AATF: variants seen among roughly 807,000 people sequenced by gnomAD.
The protein encoded by AATF is protein AATF.
In AATF, 48 loss-of-function variants were observed where a neutral mutation model predicts 63.7. That is an observed-to-expected ratio of 0.75 (90% CI 0.60 to 0.96). The LOEUF (loss-of-function observed/expected upper bound fraction) is 0.96. AATF is among the 40% of genes least tolerant of loss of function. The pLI is 0.00. For synonymous variants in AATF, 258 were observed against 247.7 expected, an observed-to-expected ratio of 1.04 and a Z score of -0.39; for missense variants, 639 against 685.7, an observed-to-expected ratio of 0.93 and a Z score of 0.76.
chr17:36,962,493 G>T (rs1352566059), intron 4 of AATF, among the ~76,000 whole-genome samples: 2 of 152,106 alleles, frequency 1.3e-5, no homozygotes, highest in African/African-American at 4.8e-5. Flanking sequence ...TACCAATCTA[G>T]CTAGAAAATG....
At chr17:36,977,383 C>G (rs2071087035) in intron 4 of AATF, among the ~76,000 whole-genome samples, 1 of 152,042 alleles carries the variant, frequency 6.6e-6, no homozygotes, top group Non-Finnish European at 1.5e-5. Flanking sequence ...AAGGTATTTT[C>G]TGAATCTCCA....
At chr17:37,050,565 A>G (rs2071739457) in intron 11 of AATF, among the ~76,000 whole-genome samples, 1 of 152,230 alleles carries the variant, frequency 6.6e-6, no homozygotes, top group Non-Finnish European at 1.5e-5. Context: ...TGGTCTGTGC[A>G]GAGCAGGCGT....
intron 7 of AATF, among the ~76,000 whole-genome samples, chr17:36,989,713 A>C (rs929060685): frequency 1.7e-4 from 26 of 152,208 alleles, no homozygotes; most frequent in African/African-American, 6.0e-4. Context: ...ACTTCTGTAG[A>C]AATGTCAGTA....
chr17:36,989,176 A>C, intron 6 of AATF, 71 bp from the exon 7 acceptor site: 42 of 1,486,452 alleles, frequency 2.8e-5, no homozygotes, highest in Non-Finnish European at 2.9e-5. Flanking sequence ...ACAGAAAGAT[A>C]GAGAAACCAA....
chr17:37,021,687 C>A (rs1261580160), intron 10 of AATF, among the ~76,000 whole-genome samples: 1 of 82,444 alleles, frequency 1.2e-5, no homozygotes, highest in Admixed American at 9.8e-5. Context: ...CGCCTGTAGT[C>A]CCAGCTACTC....
chr17:37,028,555 A>G (rs1567989479), intron 10 of AATF, among the ~76,000 whole-genome samples: 1 of 152,098 alleles, frequency 6.6e-6, no homozygotes, highest in Non-Finnish European at 1.5e-5. Context: ...GGAGGCCAAC[A>G]CAGGTGGATC....
At chr17:36,986,500 G>A (rs761090058) in intron 4 of AATF, 117 bp from the exon 5 acceptor site, 2 of 748,514 alleles carry the variant, frequency 2.7e-6, no homozygotes, top group Non-Finnish European at 4.7e-6. Context: ...TGTGTATCCT[G>A]TGCCTCCCCT....
chr17:37,013,725 C>T (rs1485668867), intron 8 of AATF, among the ~76,000 whole-genome samples: 1 of 152,114 alleles, frequency 6.6e-6, no homozygotes, highest in Non-Finnish European at 1.5e-5. Flanking sequence ...TTGGAGGGGA[C>T]AAACATCCCA....
At chr17:37,012,472 A>G (rs994292905) in intron 8 of AATF, among the ~76,000 whole-genome samples, 1 of 152,252 alleles carries the variant, frequency 6.6e-6, no homozygotes, top group African/African-American at 2.4e-5. Flanking sequence ...GAGGGAATTC[A>G]CAGGAAGAGT....
chr17:37,020,835 G>T, intron 9 of AATF, 99 bp from the exon 10 acceptor site: 1 of 953,664 alleles, frequency 1.0e-6, no homozygotes, highest in South Asian at 1.8e-5. Context: ...GTAGGTTGAT[G>T]ATTTCTTTCT....
intron 11 of AATF, among the ~76,000 whole-genome samples, chr17:37,044,502 C>T (rs2071672364): frequency 6.6e-6 from 1 of 152,130 alleles, no homozygotes; most frequent in Non-Finnish European, 1.5e-5. Flanking sequence ...CCATCACTTC[C>T]AAGACCCTAA....
chr17:37,050,796 G>A (rs918349635), intron 11 of AATF, among the ~76,000 whole-genome samples: 17 of 152,184 alleles, frequency 1.1e-4, no homozygotes, highest in African/African-American at 4.1e-4. Context: ...GTGCAGTGTG[G>A]GAGAGGTAGA....
intron 4 of AATF, among the ~76,000 whole-genome samples, chr17:36,967,055 T>C (rs1227128581): frequency 6.6e-6 from 1 of 152,214 alleles, no homozygotes; most frequent in East Asian, 1.9e-4. Context: ...TATTTTGTTA[T>C]ATCTTTTTTT....
At chr17:37,012,921 A>C (rs1170556785) in intron 8 of AATF, among the ~76,000 whole-genome samples, 1 of 152,240 alleles carries the variant, frequency 6.6e-6, no homozygotes, top group Non-Finnish European at 1.5e-5. Flanking sequence ...ATAGGAGTAG[A>C]GCTTCATGAC....
At chr17:36,979,031 A>G (rs1376564196) in intron 4 of AATF, among the ~76,000 whole-genome samples, 1 of 152,012 alleles carries the variant, frequency 6.6e-6, no homozygotes, top group Non-Finnish European at 1.5e-5. Context: ...CTTTGTAATC[A>G]ATGCCCAAAG....
At chr17:37,014,994 G>T (rs942083193) in intron 8 of AATF, among the ~76,000 whole-genome samples, 2 of 152,098 alleles carry the variant, frequency 1.3e-5, no homozygotes, top group Non-Finnish European at 1.5e-5. Context: ...GATATTCATT[G>T]TAAGTTTTGG....
intron 11 of AATF, among the ~76,000 whole-genome samples, chr17:37,032,714 C>T (rs2071561112): frequency 6.6e-6 from 1 of 152,058 alleles, no homozygotes; most frequent in Admixed American, 6.6e-5. Flanking sequence ...CAGTATTTTC[C>T]TGTTTTTCTT....
chr17:36,956,978 CGAAAAAAAAAA>C (rs1439949345), intron 4 of AATF, among the ~76,000 whole-genome samples: 4 of 148,816 alleles, frequency 2.7e-5, no homozygotes, highest in African/African-American at 7.5e-5. Context: ...CTGTCCCCCC[CGAAAAAAAAAA>C]GAGAGAGAGA....
chr17:37,051,559 C>A (rs906448652), intron 11 of AATF, among the ~76,000 whole-genome samples: 2 of 152,116 alleles, frequency 1.3e-5, no homozygotes, highest in African/African-American at 2.4e-5. Flanking sequence ...ACCCCCATTT[C>A]ACTCAGAGCT....
Sources: allele counts gnomAD v4.1 joint callset (sites outside exome capture counted in the v4.1 genomes callset), GRCh38; gene constraint gnomAD v4.1.1; transcripts MANE v1.5; gene names NCBI Gene and HGNC (gene_info 2026-07-23, HGNC 2026-07-21).